The following BEND6 variants were observed in gnomAD, a reference collection of about 807,000 sequenced individuals.
BEND6 encodes the protein BEN domain containing 6.
Under a neutral mutation model 31.8 loss-of-function variants are expected in BEND6, and 24 were observed. The observed-to-expected ratio is 0.75, with a 90% confidence interval of 0.55 to 1.06. The LOEUF is 1.06. Among genes scored for constraint, BEND6 ranks in the 50% least tolerant of loss-of-function variants. BEND6 has a pLI of 0.00. For missense variants in BEND6, 294 were observed against 327.4 expected (o/e 0.90, Z 0.79); for synonymous variants, 109 against 114.6 (o/e 0.95, Z 0.31).
chr6:56,989,159 A>T (rs1324271219), intron 2 of BEND6, among the ~76,000 whole-genome samples: 4 of 151,026 alleles, frequency 2.6e-5, no homozygotes, highest in African/African-American at 7.3e-5. Context: ...ATCATATGTG[A>T]TATATAATCT....
intron 3 of BEND6, among the ~76,000 whole-genome samples, chr6:57,007,948 A>G (rs566829699): frequency 6.6e-6 from 1 of 152,200 alleles, no homozygotes; most frequent in Non-Finnish European, 1.5e-5. Flanking sequence ...GGCCAGAGAT[A>G]ATTCCACCAG....
At chr6:57,003,933 T>C (rs1827048486) in intron 3 of BEND6, among the ~76,000 whole-genome samples, 2 of 152,184 alleles carry the variant, frequency 1.3e-5, no homozygotes, top group Non-Finnish European at 2.9e-5. Context: ...AAAAACTTCA[T>C]GATCATCTCA....
chr6:57,016,897 G>A (rs1013580907), intron 4 of BEND6, among the ~76,000 whole-genome samples: 10 of 152,074 alleles, frequency 6.6e-5, no homozygotes, highest in Non-Finnish European at 1.2e-4. Context: ...CTACATTTAC[G>A]ATGAAGCACT....
chr6:57,015,070 AT>A (rs1827487133), intron 3 of BEND6, 62 bp from the exon 4 acceptor site: 4 of 1,411,970 alleles, frequency 2.8e-6, no homozygotes, highest in African/African-American at 2.9e-5. Flanking sequence ...CAACAAAAAA[AT>A]ATGTACATAT....
At chr6:56,988,633 C>G (rs1452059436) in intron 2 of BEND6, among the ~76,000 whole-genome samples, 1 of 151,964 alleles carries the variant, frequency 6.6e-6, no homozygotes, top group East Asian at 1.9e-4. Context: ...TAAAACATTA[C>G]TAAAACTCAT....
rs532804847 is a variant in BEND6, at chr6:57,011,489, G to T, written c.299-3644G>T. On this transcript the variant is annotated intron_variant, in intron 3 of 6. Coordinates refer to ENST00000370746, the MANE Select transcript of BEND6 (RefSeq NM_152731.3). ...CTCCCCACTGTAATCCCAGCGCTTTGGGAGGATCACTTGAGCCCAGGAGTT... is the reference window on the plus strand; with the variant it reads ...CTCCCCACTGTAATCCCAGCGCTTTTGGAGGATCACTTGAGCCCAGGAGTT... Among the ~76,000 whole-genome samples, 7 of 152,042 alleles carry T rather than the reference G, an allele frequency of 4.6e-5. 1 individual carries two copies. In the South Asian group the frequency reaches 1.5e-3, roughly 32 times the overall value.
chr6:57,017,622 G>A (rs533875281), intron 5 of BEND6, among the ~76,000 whole-genome samples: 1 of 151,974 alleles, frequency 6.6e-6, no homozygotes, highest in African/African-American at 2.4e-5. Context: ...ATCACCAAAA[G>A]GTTTCAATTC....
intron 1 of BEND6, among the ~76,000 whole-genome samples, chr6:56,974,313 G>A (rs1825799962): frequency 6.6e-6 from 1 of 152,166 alleles, no homozygotes; most frequent in Admixed American, 6.5e-5. Context: ...ATTTAAATAT[G>A]ATAAATATAT....
At chr6:56,992,580 T>G in intron 3 of BEND6, 25 bp downstream of exon 3, 1 of 1,594,296 alleles carries the variant, frequency 6.3e-7, no homozygotes, top group South Asian at 1.1e-5. Context: ...AATTGACATT[T>G]TAGATAAAAG....
intron 1 of BEND6, among the ~76,000 whole-genome samples, chr6:56,959,434 C>T (rs1825212934): frequency 6.6e-6 from 1 of 152,156 alleles, no homozygotes; most frequent in African/African-American, 2.4e-5. Flanking sequence ...AATATTACCC[C>T]TTGAAAACAA....
At chr6:56,982,022 T>C in intron 2 of BEND6, 92 bp downstream of exon 2, 3 of 1,299,474 alleles carry the variant, frequency 2.3e-6, no homozygotes, top group Non-Finnish European at 3.1e-6. Flanking sequence ...TTCTCCCTCT[T>C]CTATTATTTA....
chr6:56,959,308 T>A (rs531460059), intron 1 of BEND6, among the ~76,000 whole-genome samples: 1 of 152,252 alleles, frequency 6.6e-6, no homozygotes, highest in Non-Finnish European at 1.5e-5. Flanking sequence ...AAAATGACTT[T>A]TAGGGAAAGA....
chr6:56,990,930 A>G (rs1487488158), intron 2 of BEND6, among the ~76,000 whole-genome samples: 2 of 152,208 alleles, frequency 1.3e-5, no homozygotes, highest in Non-Finnish European at 2.9e-5. Context: ...CTCTTCATTT[A>G]TAAAGTGGGC....
intron 3 of BEND6, chr6:57,004,597 C>T: frequency 2.0e-6 from 2 of 998,354 alleles, no homozygotes; most frequent in East Asian, 2.4e-5. Flanking sequence ...CCAACATCAA[C>T]CTCCAGATCA....
intron 1 of BEND6, among the ~76,000 whole-genome samples, chr6:56,958,214 T>C (rs1825162850): frequency 6.6e-6 from 1 of 152,194 alleles, no homozygotes. Flanking sequence ...TGCCCACTAA[T>C]GGGTAGTAGG....
At chr6:56,971,699 T>A (rs1264878045) in intron 1 of BEND6, among the ~76,000 whole-genome samples, 1 of 152,198 alleles carries the variant, frequency 6.6e-6, no homozygotes. Context: ...GTAGTTTTGA[T>A]TTGCATTTCC....
intron 1 of BEND6, among the ~76,000 whole-genome samples, chr6:56,974,729 T>C (rs979750783): frequency 1.3e-5 from 2 of 152,242 alleles, no homozygotes; most frequent in African/African-American, 4.8e-5. Context: ...TATTTTTAAT[T>C]AGAAAAATTA....
chr6:57,012,265 A>C (rs1284836177), intron 3 of BEND6, among the ~76,000 whole-genome samples: 1 of 152,268 alleles, frequency 6.6e-6, no homozygotes, highest in Non-Finnish European at 1.5e-5. Flanking sequence ...TATGGTACAC[A>C]CAACATGAAT....
chr6:56,963,510 G>A (rs950707198), intron 1 of BEND6, among the ~76,000 whole-genome samples: 1 of 152,168 alleles, frequency 6.6e-6, no homozygotes, highest in Non-Finnish European at 1.5e-5. Flanking sequence ...GAAGCTTAGC[G>A]GGGCCAAGCT....
Sources: gnomAD v4.1 joint callset for allele counts (sites outside exome capture counted in the v4.1 genomes callset) on GRCh38, gnomAD v4.1.1 for gene constraint, MANE v1.5 for transcripts, NCBI Gene and HGNC (gene_info 2026-07-23, HGNC 2026-07-21) for gene names.